Variants in PPP4R4 observed in about 807,000 individuals in gnomAD.
PPP4R4 encodes protein phosphatase 4 regulatory subunit 4, also known as serine/threonine-protein phosphatase 4 regulatory subunit 4.
In PPP4R4, 70 loss-of-function variants were observed where a neutral mutation model predicts 121.8. The observed-to-expected ratio is 0.57, with a 90% confidence interval of 0.47 to 0.70. PPP4R4 has a LOEUF of 0.70. Among genes scored for constraint, PPP4R4 ranks in the 30% least tolerant of loss-of-function variants. PPP4R4 has a pLI of 0.00. For missense variants in PPP4R4, 875 were observed against 1,033.6 expected (o/e 0.85, Z 2.10); for synonymous variants, 348 against 355.7 (o/e 0.98, Z 0.24).
At chr14:94,197,571 T>G (rs1179636706) in intron 2 of PPP4R4, among the ~76,000 whole-genome samples, 2 of 152,168 alleles carry the variant, frequency 1.3e-5, no homozygotes, top group African/African-American at 4.8e-5. Context: ...ATTGAGGTAT[T>G]GATGTACAGT....
chr14:94,205,221 C>T (rs542744971), intron 2 of PPP4R4, among the ~76,000 whole-genome samples: 28 of 152,168 alleles, frequency 1.8e-4, no homozygotes, highest in African/African-American at 5.8e-4. Context: ...TTCAATTTCT[C>T]TAATAGTTGT....
rs138699442 is a variant in PPP4R4 at position 94,271,275 on chromosome 14, G to A, written c.2450-4099G>A. Among the ~76,000 whole-genome samples the A allele has an allele frequency of 5.6e-4, 85 of 152,126 alleles. 1 individual carries two copies. The East Asian group carries it at 0.014, about 25-fold the overall frequency. On this transcript the variant is annotated intron_variant, in intron 23 of 24. Coordinates refer to ENST00000304338, the MANE Select transcript of PPP4R4 (RefSeq NM_058237.2). The stretch of plus-strand genomic sequence containing the variant: ...AATGTGAAAATTATCAAAAAAATTA[G>A]CAAATCACATCCAACAATATATAAA...
chr14:94,201,162 A>G (rs901037676), intron 2 of PPP4R4, among the ~76,000 whole-genome samples: 1 of 152,088 alleles, frequency 6.6e-6, no homozygotes, highest in Non-Finnish European at 1.5e-5. Context: ...TTGATTTCCA[A>G]TTTTATTCCA....
At chr14:94,244,444 TGTCA>T (rs1256018549) in intron 11 of PPP4R4, among the ~76,000 whole-genome samples, 187 bp from the exon 12 acceptor site, 1 of 152,234 alleles carries the variant, frequency 6.6e-6, no homozygotes, top group Admixed American at 6.5e-5. Flanking sequence ...CATTCCAGCA[TGTCA>T]CGAGGCAGAC....
chr14:94,276,680 C>G (rs1894658912), intron 24 of PPP4R4, among the ~76,000 whole-genome samples: 1 of 152,188 alleles, frequency 6.6e-6, no homozygotes, highest in South Asian at 2.1e-4. Context: ...CACCAGGCCT[C>G]ATCTCCAGCA....
chr14:94,243,721 T>G (rs1286416540), intron 11 of PPP4R4, among the ~76,000 whole-genome samples: 1 of 151,984 alleles, frequency 6.6e-6, no homozygotes, highest in African/African-American at 2.4e-5. Context: ...AATCATACCA[T>G]GTAGGTAGGG....
chr14:94,174,541 G>A lies in PPP4R4; in HGVS notation c.76G>A (p.Glu26Lys). Residue 26 changes from glutamate (E) to lysine (K), a missense_variant, in exon 1 of 25, where the codon GAG (glutamate) becomes AAG (lysine). Coordinates refer to ENST00000304338, the MANE Select transcript of PPP4R4 (RefSeq NM_058237.2). Reference protein sequence around the residue: ...SLFGYMEDLQELTIIERPVRR... With the variant: ...SLFGYMEDLQKLTIIERPVRR... ...GTTCGGTTACATGGAGGACCTGCAG[G>A]AGCTCACCATCATCGAGAGGCCGGT... 2 of 1,612,572 alleles carry A rather than the reference G, an allele frequency of 1.2e-6. No individual in the cohort carries two copies. The highest frequency in any genetic ancestry group is 1.7e-6 in the Non-Finnish European group (2 of 1,179,300).
chr14:94,269,318 A>G (rs989028076), intron 23 of PPP4R4, among the ~76,000 whole-genome samples: 1 of 152,162 alleles, frequency 6.6e-6, no homozygotes, highest in African/African-American at 2.4e-5. Context: ...TGGTGTTTTC[A>G]GGGAGCAGCA....
chr14:94,199,681 G>A (rs889545250), intron 2 of PPP4R4, among the ~76,000 whole-genome samples: 25 of 152,284 alleles, frequency 1.6e-4, no homozygotes, highest in African/African-American at 5.8e-4. Context: ...TTCCCCTGGA[G>A]TCGGGCTGCT....
chr14:94,254,017 A>G (rs1436663937), intron 16 of PPP4R4, among the ~76,000 whole-genome samples: 1 of 152,256 alleles, frequency 6.6e-6, no homozygotes, highest in Non-Finnish European at 1.5e-5. Context: ...GTGTATCTTT[A>G]GCCAAGTTAC....
chr14:94,228,593 C>T (rs186790346), intron 3 of PPP4R4, among the ~76,000 whole-genome samples: 337 of 152,292 alleles, frequency 2.2e-3, no homozygotes, highest in Non-Finnish European at 3.9e-3. Flanking sequence ...GCTTTGCCTT[C>T]TATCTAATTC....
intron 3 of PPP4R4, among the ~76,000 whole-genome samples, chr14:94,225,420 C>A (rs1169811564): frequency 3.3e-5 from 5 of 151,698 alleles, no homozygotes; most frequent in African/African-American, 7.3e-5. Context: ...TCTCTGACAG[C>A]CTTGCGGAGT....
Position 94,244,673 on chromosome 14 carries a change from T to A in PPP4R4, c.1305T>A (p.His435Gln). ...KLLNSGVYLI[H>Q]KELITLLQDE... ...TGAATTCTGGAGTATATTTAATACA[T>A]AAAGAACTAATAACATTATTACAAG... Residue 435 changes from histidine (H) to glutamine (Q), a missense_variant, in exon 12 of 25, where the codon CAT (histidine) becomes CAA (glutamine). By Grantham distance (24) the His-to-Gln change is conservative (BLOSUM62 0). Transcript: ENST00000304338. 6.7e-7 allele frequency: 1 copy of A among 1,495,348 alleles called. No individual in the cohort carries two copies. The highest frequency in any genetic ancestry group is 9.1e-7 in the Non-Finnish European group (1 of 1,104,216). The allele number at this position is 1,495,348 out of a possible 1,614,324, so 92.6% of individuals were successfully genotyped here. A position where few individuals can be genotyped will look rare whatever the true frequency, so the allele number is the denominator to read the frequency against.
chr14:94,204,004 T>A (rs1890329757), intron 2 of PPP4R4, among the ~76,000 whole-genome samples: 1 of 152,210 alleles, frequency 6.6e-6, no homozygotes, highest in Non-Finnish European at 1.5e-5. Flanking sequence ...TTCATCCTTT[T>A]ACAGGGTCTT....
At chr14:94,271,906 C>T (rs1012952894) in intron 23 of PPP4R4, among the ~76,000 whole-genome samples, 1 of 152,066 alleles carries the variant, frequency 6.6e-6, no homozygotes, top group African/African-American at 2.4e-5. Flanking sequence ...AAGCAAAATA[C>T]CATTTACTAT....
At chr14:94,241,762 G>T in intron 9 of PPP4R4, 26 bp from the exon 10 acceptor site, 1 of 1,500,246 alleles carries the variant, frequency 6.7e-7, no homozygotes, top group Non-Finnish European at 8.9e-7. Context: ...TTGAAATGTT[G>T]AGCTAGTTTT....
At chr14:94,255,478 G>A (rs1285815250) in intron 16 of PPP4R4, among the ~76,000 whole-genome samples, 1 of 152,060 alleles carries the variant, frequency 6.6e-6, no homozygotes, top group Non-Finnish European at 1.5e-5. Context: ...GCGGGCACCT[G>A]TAGTCCCAGC....
rs774555671 is a variant in PPP4R4 at position 94,241,870 on chromosome 14, A to G, written c.1059A>G (p.Gly353=). The G allele has an allele frequency of 4.4e-5, 71 of 1,610,274 alleles. No individual in the cohort carries two copies. The highest frequency in any genetic ancestry group is 1.0e-5 in the Non-Finnish European group (12 of 1,177,898). ...CATTGGGTTTGCAACAAGAAAATGG[A>G]CACAATGAAAACCAGATTCCACCCC... ...LCTLGLQQEN[G]HNENQIPPQI... is the part of the protein sequence containing the mutation. Residue 353 remains glycine, a synonymous_variant, in exon 10 of 25, where the codon GGA becomes GGG. Transcript: ENST00000304338.
rs139242303 is a variant in PPP4R4 at position 94,201,912 on chromosome 14, T to G, written c.192-6552T>G. On this transcript the variant is annotated intron_variant, in intron 2 of 24. Transcript: ENST00000304338. ...GCCCAAATGCCCATCAGTCAATGAGTAGATAAAGAAAATGTGTGTGTGTAT... is the reference window on the plus strand; with the variant it reads ...GCCCAAATGCCCATCAGTCAATGAGGAGATAAAGAAAATGTGTGTGTGTAT... 8.7e-3 allele frequency among the ~76,000 whole-genome samples: 1,300 copies of G among 148,986 alleles called. 10 individuals are homozygous for G. Among genetic ancestry groups the G allele is most frequent in the Non-Finnish European group, 0.015 (1,011 of 67,808 alleles).
Sources: gnomAD v4.1 joint callset for allele counts (sites outside exome capture counted in the v4.1 genomes callset) on GRCh38, gnomAD v4.1.1 for gene constraint, MANE v1.5 for transcripts, NCBI Gene and HGNC (gene_info 2026-07-23, HGNC 2026-07-21) for gene names.